SMC1B: variants seen among roughly 807,000 people sequenced by gnomAD.
The protein encoded by SMC1B is structural maintenance of chromosomes 1B, also known as structural maintenance of chromosomes protein 1B.
In SMC1B, 60 loss-of-function variants were observed where a neutral mutation model predicts 157.9. That is an observed-to-expected ratio of 0.38 (90% CI 0.31 to 0.47). The LOEUF (loss-of-function observed/expected upper bound fraction) is 0.47. SMC1B is among the 20% of genes least tolerant of loss of function. The pLI, the probability that SMC1B is intolerant of heterozygous loss-of-function variation, is 0.99. For synonymous variants in SMC1B, 445 were observed against 483.0 expected (o/e 0.92, Z 1.03); for missense variants, 1,165 against 1,426.2 (o/e 0.82, Z 2.95).
At chr22:45,412,996 G>A (rs1263791352) in intron 1 of SMC1B, among the ~76,000 whole-genome samples, 1 of 152,160 alleles carries the variant, frequency 6.6e-6, no homozygotes, top group Non-Finnish European at 1.5e-5. Context: ...GCAGGAGTGA[G>A]GGCAGAGAAC....
chr22:45,411,568 T>A (rs1415163126), intron 1 of SMC1B, among the ~76,000 whole-genome samples: 2 of 152,102 alleles, frequency 1.3e-5, no homozygotes, highest in Non-Finnish European at 2.9e-5. Flanking sequence ...ACGGTGCATT[T>A]TATTTATTTA....
intron 19 of SMC1B, among the ~76,000 whole-genome samples, chr22:45,358,088 C>T (rs2086686778): frequency 6.6e-6 from 1 of 152,150 alleles, no homozygotes; most frequent in African/African-American, 2.4e-5. Context: ...GAAGAGCTTC[C>T]AGGTTGGTGA....
chr22:45,365,296 A>C (rs990731054), intron 15 of SMC1B, among the ~76,000 whole-genome samples: 3 of 152,054 alleles, frequency 2.0e-5, no homozygotes, highest in African/African-American at 7.3e-5. Flanking sequence ...CCCATTCTAT[A>C]CCTCTAACTG....
chr22:45,355,189 G>T, intron 19 of SMC1B, 74 bp from the exon 20 acceptor site: 1 of 1,493,558 alleles, frequency 6.7e-7, no homozygotes, highest in South Asian at 1.2e-5. Flanking sequence ...TGCGTGTGTG[G>T]GGCACTTCAC....
chr22:45,396,540 A>T (rs533727827), intron 6 of SMC1B, 54 bp from the exon 7 acceptor site: 10 of 1,508,620 alleles, frequency 6.6e-6, no homozygotes, highest in Non-Finnish European at 8.1e-6. Context: ...CATGAGAGCA[A>T]ATTTCTTTGT....
At chr22:45,394,547 C>G in intron 8 of SMC1B, 138 bp downstream of exon 8, 1 of 1,011,468 alleles carries the variant, frequency 9.9e-7, no homozygotes, top group Non-Finnish European at 1.3e-6. Flanking sequence ...GAGGTAGGAG[C>G]GTCATGTGAG....
intron 17 of SMC1B, among the ~76,000 whole-genome samples, chr22:45,361,202 CTG>C (rs1156610610): frequency 1.3e-5 from 2 of 152,220 alleles, no homozygotes; most frequent in African/African-American, 4.8e-5. Flanking sequence ...TCCTTACCCT[CTG>C]TGCTATCTTG....
intron 11 of SMC1B, 127 bp from the exon 12 acceptor site, chr22:45,383,740 A>C (rs2086962225): frequency 1.4e-6 from 1 of 727,300 alleles, no homozygotes. Flanking sequence ...CTTTACTAAT[A>C]AAATATCTAG....
chr22:45,393,950 T>TTC, intron 8 of SMC1B, 109 bp from the exon 9 acceptor site: 1 of 711,156 alleles, frequency 1.4e-6, no homozygotes, highest in Non-Finnish European at 2.3e-6. Flanking sequence ...CAGTGCTCTA[T>TTC]CAATTTTTAA....
chr22:45,372,716 CTT>C (rs136574), intron 12 of SMC1B, among the ~76,000 whole-genome samples: 8 of 123,554 alleles, frequency 6.5e-5, no homozygotes, highest in Non-Finnish European at 9.7e-5. Context: ...GACTCCAGGT[CTT>C]TTTTTTTTTT....
In SMC1B at chr22:45,406,475, T is replaced by C. The variant is rs376670929; in HGVS notation, c.600A>G (p.Lys200=). 1 of 1,608,500 alleles carries C rather than the reference T, an allele frequency of 6.2e-7. No individual in the cohort carries two copies. Among genetic ancestry groups the C allele is most frequent in the Non-Finnish European group, 8.5e-7 (1 of 1,178,932 alleles). Residue 200 remains lysine, a synonymous_variant, in exon 4 of 25, where the codon AAA becomes AAG. Transcript: ENST00000357450. ...KNIAAERRQA[K]LEKEEAERYQ... ...GACATCTTACCTCTTCCTTCTCTAA[T>C]TTTGCTTGTCTGCGCTCTGCCGCTA...
At chr22:45,392,250 A>G (rs1375609029) in intron 9 of SMC1B, among the ~76,000 whole-genome samples, 1 of 152,016 alleles carries the variant, frequency 6.6e-6, no homozygotes, top group Admixed American at 6.6e-5. Flanking sequence ...CAGTTTTTAA[A>G]TCTCTCTCCA....
rs571319521 is a variant in SMC1B at position 45,383,110 on chromosome 22, G to C, written c.2058+357C>G. Among the ~76,000 whole-genome samples the C allele has an allele frequency of 1.9e-4, 29 of 149,522 alleles. No individual in the cohort carries two copies. The South Asian group carries it at 5.7e-3, about 29-fold the overall frequency. On this transcript the variant is annotated intron_variant, in intron 12 of 24. Transcript: ENST00000357450. ...ATCGCACCATGGCACTCCAGCCTGG[G>C]CAACAAGAGCGAAACTCTGTCTCAA...
chr22:45,406,007 T>C (rs923831997), intron 4 of SMC1B, among the ~76,000 whole-genome samples: 5 of 152,210 alleles, frequency 3.3e-5, no homozygotes, highest in African/African-American at 9.7e-5. Context: ...AAAAATGCTA[T>C]TTATATTAAC....
chr22:45,361,089 T>G (rs181876691), intron 17 of SMC1B, among the ~76,000 whole-genome samples: 33 of 152,162 alleles, frequency 2.2e-4, no homozygotes, highest in African/African-American at 8.0e-4. Context: ...TTCTGTGAGG[T>G]AGGCACTATT....
chr22:45,393,865 C>T (rs1373268931), intron 8 of SMC1B, 24 bp from the exon 9 acceptor site: 2 of 1,562,852 alleles, frequency 1.3e-6, no homozygotes, highest in Non-Finnish European at 1.7e-6. Flanking sequence ...ACAAATTATA[C>T]AGCAAAATGA....
In SMC1B at chr22:45,370,060, C is replaced by T. The variant is rs1192741561; in HGVS notation, c.2314G>A (p.Val772Ile). The change falls in exon 15 of 25, where the codon GTA becomes ATA. Residue 772 changes from valine (V) to isoleucine (I), a missense_variant and splice_region_variant. Transcript: ENST00000357450. ...AAGTGTTGGAAGATATCGTCTTCTA[C>T]CTTTTAAATTATTTTAAAACAATTG... ...IKEFQEKIDK[V>I]EDDIFQHFCE... 3 of 1,483,938 alleles carry T rather than the reference C, an allele frequency of 2.0e-6. No individual in the cohort carries two copies. Among genetic ancestry groups the T allele is most frequent in the African/African-American group, 1.4e-5 (1 of 70,360 alleles). The allele number at this position is 1,483,938 out of a possible 1,614,324, so 91.9% of individuals were successfully genotyped here. A position where few individuals can be genotyped will look rare whatever the true frequency, so the allele number is the denominator to read the frequency against.
At chr22:45,411,291 T>C (rs374050555) in intron 1 of SMC1B, among the ~76,000 whole-genome samples, 4 of 152,280 alleles carry the variant, frequency 2.6e-5, no homozygotes, top group East Asian at 3.9e-4. Context: ...AGGAGCAACA[T>C]AGATGAATCT....
At chr22:45,398,498 A>AC (rs1446897259) in intron 6 of SMC1B, among the ~76,000 whole-genome samples, 1 of 152,170 alleles carries the variant, frequency 6.6e-6, no homozygotes, top group East Asian at 1.9e-4. Context: ...CAAGGGCGTC[A>AC]CCAACTGAGG....
Sources: allele counts gnomAD v4.1 joint callset (sites outside exome capture counted in the v4.1 genomes callset), GRCh38; gene constraint gnomAD v4.1.1; transcripts MANE v1.5; gene names NCBI Gene and HGNC (gene_info 2026-07-23, HGNC 2026-07-21).